Variants in TINAG observed in about 807,000 individuals in gnomAD.
TINAG encodes tubulointerstitial nephritis antigen.
A neutral mutation model predicts 72.7 loss-of-function variants in TINAG; 83 were observed. The ratio of observed to expected loss-of-function variants is 1.14; its 90% CI spans 0.96 to 1.37. TINAG has a LOEUF of 1.37. Among genes scored for constraint, TINAG ranks in the 40% most tolerant of loss-of-function variants. The pLI, the probability that TINAG is intolerant of heterozygous loss-of-function variation, is 0.00. For missense variants in TINAG, 685 were observed against 576.6 expected (o/e 1.19, Z -1.93); for synonymous variants, 234 against 189.9 (o/e 1.23, Z -1.91).
chr6:54,352,738 CCTCT>C (rs1408022347), intron 8 of TINAG, among the ~76,000 whole-genome samples: 2 of 149,772 alleles, frequency 1.3e-5, no homozygotes, highest in Non-Finnish European at 1.5e-5. Flanking sequence ...TTTCTTTTTC[CCTCT>C]CTCTCTCCCT....
At position 54,346,181 on chromosome 6, in the gene TINAG, G is replaced by A. The variant is rs1053699335; in HGVS notation, c.749-1186G>A. Among the ~76,000 whole-genome samples, 6 of 151,958 alleles carry A rather than the reference G, an allele frequency of 3.9e-5. No individual in the cohort carries two copies. The East Asian group carries it at 1.2e-3, about 29-fold the overall frequency. On this transcript the variant is annotated intron_variant, in intron 5 of 10. Coordinates refer to ENST00000259782, the MANE Select transcript of TINAG (RefSeq NM_014464.4). ...ATTTTGGTACAATGATCAAAATGAT[G>A]ACATCTGTAGGGTTTTGCTACTGGT...
At position 54,351,393 on chromosome 6, in the gene TINAG, T is replaced by A. The variant is rs754679780; in HGVS notation, c.1122T>A (p.Val374=). The A allele has an allele frequency of 3.1e-6, 5 of 1,610,242 alleles. No individual in the cohort carries two copies. The Admixed American group carries it at 5.0e-5, about 16-fold the overall frequency. ...IMKEIMQNGP[V]QAIMQVREDF... Reference sequence around the variant, plus strand: ...AAGAAATCATGCAAAATGGACCAGTTCAAGGTAAGCTTGAATGAAATACGG... The same window carrying A: ...AAGAAATCATGCAAAATGGACCAGTACAAGGTAAGCTTGAATGAAATACGG... Residue 374 remains valine, a synonymous_variant, in exon 8 of 11, where the codon GTT becomes GTA. Transcript: ENST00000259782.
chr6:54,349,859 T>A lies in TINAG; in HGVS notation c.1043T>A (p.Ile348Asn). 2 of 1,608,904 alleles carry A rather than the reference T, an allele frequency of 1.2e-6. No individual in the cohort carries two copies. The highest frequency in any genetic ancestry group is 1.7e-6 in the Non-Finnish European group (2 of 1,176,774). The stretch of plus-strand genomic sequence containing the variant: ...AACAACGTAGAAAAATCTAACAGGA[T>A]CTATCAATGTTCTCCTCCATACAGA... Reference protein sequence around the residue: ...CPNNVEKSNRIYQCSPPYRVS... With the variant: ...CPNNVEKSNRNYQCSPPYRVS... Residue 348 changes from isoleucine to asparagine, a missense_variant, in exon 7 of 11, where the codon ATC becomes AAC. Transcript: ENST00000259782.
intron 3 of TINAG, among the ~76,000 whole-genome samples, chr6:54,322,444 T>C (rs1784514402): frequency 6.6e-6 from 1 of 152,198 alleles, no homozygotes; most frequent in Non-Finnish European, 1.5e-5. Flanking sequence ...ATTTCTCCAC[T>C]GCCATTGAAC....
intron 9 of TINAG, among the ~76,000 whole-genome samples, chr6:54,374,057 C>A (rs888145151): frequency 6.6e-6 from 1 of 152,062 alleles, no homozygotes; most frequent in Non-Finnish European, 1.5e-5. Context: ...TCATTCTGAC[C>A]AGAGTATGAA....
At chr6:54,346,632 T>C (rs749101500) in intron 5 of TINAG, among the ~76,000 whole-genome samples, 11 of 151,720 alleles carry the variant, frequency 7.3e-5, no homozygotes, top group Admixed American at 3.9e-4. Flanking sequence ...GTAGTAACAG[T>C]AATTGTAACT....
chr6:54,373,589 A>C (rs1178977863), intron 9 of TINAG, among the ~76,000 whole-genome samples: 2 of 152,152 alleles, frequency 1.3e-5, no homozygotes. Flanking sequence ...AAATATATAA[A>C]ATGAATTAGA....
At chr6:54,374,800 T>C (rs1375961088) in intron 9 of TINAG, among the ~76,000 whole-genome samples, 2 of 152,140 alleles carry the variant, frequency 1.3e-5, no homozygotes, top group South Asian at 4.1e-4. Flanking sequence ...TGGAGTTCCA[T>C]ATCAGGTTAT....
At chr6:54,374,881 T>C (rs1763735286) in intron 9 of TINAG, among the ~76,000 whole-genome samples, 1 of 152,036 alleles carries the variant, frequency 6.6e-6, no homozygotes, top group Admixed American at 6.6e-5. Flanking sequence ...AAAATATCTT[T>C]ACATGTCCAC....
At chr6:54,312,932 T>G (rs1334389746) in intron 1 of TINAG, among the ~76,000 whole-genome samples, 2 of 152,090 alleles carry the variant, frequency 1.3e-5, no homozygotes, top group Non-Finnish European at 2.9e-5. Flanking sequence ...TCTGCCGGGG[T>G]CAGTATGTCT....
intron 9 of TINAG, among the ~76,000 whole-genome samples, chr6:54,355,608 G>A (rs1487267840): frequency 6.6e-6 from 1 of 151,736 alleles, no homozygotes; most frequent in East Asian, 1.9e-4. Flanking sequence ...CTAATTTTAT[G>A]ACTGTGCTGA....
intron 3 of TINAG, among the ~76,000 whole-genome samples, chr6:54,325,141 T>C (rs538911062): frequency 1.3e-5 from 2 of 152,226 alleles, no homozygotes; most frequent in South Asian, 2.1e-4. Flanking sequence ...TCCTTCCAGA[T>C]AGAGAACTAA....
intron 9 of TINAG, among the ~76,000 whole-genome samples, chr6:54,375,577 C>T (rs1763755834): frequency 6.6e-6 from 1 of 152,174 alleles, no homozygotes; most frequent in East Asian, 1.9e-4. Context: ...AATTCCATCA[C>T]TTTTACCTTC....
chr6:54,321,256 A>T (rs962692551), intron 2 of TINAG, 41 bp from the exon 3 acceptor site: 1 of 1,496,278 alleles, frequency 6.7e-7, no homozygotes, highest in Non-Finnish European at 9.3e-7. Context: ...AATATACTTC[A>T]TAAAGACCAA....
intron 9 of TINAG, among the ~76,000 whole-genome samples, chr6:54,361,865 A>C (rs1395811368): frequency 6.6e-6 from 1 of 151,736 alleles, no homozygotes; most frequent in Non-Finnish European, 1.5e-5. Context: ...AAAAAGTTTT[A>C]GTGGACTGGA....
At chr6:54,327,183 T>C in intron 4 of TINAG, 5 of 1,543,408 alleles carry the variant, frequency 3.2e-6, no homozygotes, top group Non-Finnish European at 4.4e-6. Context: ...CAAGAACAGC[T>C]CTGGTTGGCA....
chr6:54,359,288 T>G (rs1246466060), intron 9 of TINAG, among the ~76,000 whole-genome samples: 1 of 151,834 alleles, frequency 6.6e-6, no homozygotes, highest in Non-Finnish European at 1.5e-5. Flanking sequence ...CCTTCTAAAC[T>G]TTTTCCTATA....
At chr6:54,318,819 GTGTCAACACCT>G (rs1784428331) in intron 1 of TINAG, among the ~76,000 whole-genome samples, 1 of 152,116 alleles carries the variant, frequency 6.6e-6, no homozygotes, top group Admixed American at 6.6e-5. Context: ...ATGCTTTACT[GTGTCAACACCT>G]TGACCGGGGT....
intron 4 of TINAG, 90 bp downstream of exon 4, chr6:54,327,006 A>G (rs1279980880): frequency 6.4e-7 from 1 of 1,573,412 alleles, no homozygotes; most frequent in African/African-American, 1.4e-5. Flanking sequence ...CACTAAAATA[A>G]TGAGTTTTGA....
Sources: gnomAD v4.1 joint callset for allele counts (sites outside exome capture counted in the v4.1 genomes callset) on GRCh38, gnomAD v4.1.1 for gene constraint, MANE v1.5 for transcripts, NCBI Gene and HGNC (gene_info 2026-07-23, HGNC 2026-07-21) for gene names.